ATP8A2: variants seen among roughly 807,000 people sequenced by gnomAD.
The protein encoded by ATP8A2 is phospholipid-transporting ATPase IB.
Under a neutral mutation model 165.6 loss-of-function variants are expected in ATP8A2, and 100 were observed. The ratio of observed to expected loss-of-function variants is 0.60; its 90% CI spans 0.51 to 0.71. The LOEUF (loss-of-function observed/expected upper bound fraction) is 0.71, where lower values mean the gene tolerates loss of function less well. ATP8A2 is among the 30% of genes least tolerant of loss of function. ATP8A2 has a pLI of 0.00. For missense variants in ATP8A2, 1,227 were observed against 1,479.5 expected (o/e 0.83, Z 2.80); for synonymous variants, 543 against 548.8 (o/e 0.99, Z 0.15).
intron 1 of ATP8A2, among the ~76,000 whole-genome samples, chr13:25,464,008 A>T (rs1190617113): frequency 6.6e-6 from 1 of 152,146 alleles, no homozygotes; most frequent in Non-Finnish European, 1.5e-5. Context: ...CCCCGGGCAG[A>T]AACTCTGAAG....
At chr13:25,424,212 C>T (rs776945283) in intron 1 of ATP8A2, among the ~76,000 whole-genome samples, 1 of 152,164 alleles carries the variant, frequency 6.6e-6, no homozygotes, top group Non-Finnish European at 1.5e-5. Flanking sequence ...GCATAAAGTG[C>T]TTATTATTAT....
chr13:25,894,863 G>C (rs1033933236), intron 33 of ATP8A2, among the ~76,000 whole-genome samples: 2 of 152,122 alleles, frequency 1.3e-5, no homozygotes, highest in African/African-American at 4.8e-5. Context: ...AAGAATGCTT[G>C]TGATTTTTGC....
intron 24 of ATP8A2, among the ~76,000 whole-genome samples, chr13:25,610,883 C>CTTTTTTTT (rs56730760): frequency 8.3e-6 from 1 of 120,680 alleles, no homozygotes; most frequent in African/African-American, 3.2e-5. Context: ...AGGTATATTC[C>CTTTTTTTT]TTTTTTTTTT....
intron 26 of ATP8A2, among the ~76,000 whole-genome samples, chr13:25,773,801 A>G (rs985255307): frequency 1.3e-5 from 2 of 151,676 alleles, no homozygotes; most frequent in Non-Finnish European, 2.9e-5. Context: ...GTGTGCCACT[A>G]TCTCTGTGTC....
chr13:25,378,586 A>G (rs1441417943), intron 1 of ATP8A2, among the ~76,000 whole-genome samples: 2 of 152,122 alleles, frequency 1.3e-5, no homozygotes, highest in Admixed American at 6.5e-5. Flanking sequence ...CTCACTTCAG[A>G]GTTGGTTAGT....
At chr13:25,428,504 T>C (rs2034514401) in intron 1 of ATP8A2, among the ~76,000 whole-genome samples, 1 of 152,124 alleles carries the variant, frequency 6.6e-6, no homozygotes, top group South Asian at 2.1e-4. Context: ...CTTAAACCCC[T>C]GGGTGTGATA....
intron 16 of ATP8A2, chr13:25,567,301 C>T: frequency 4.4e-6 from 2 of 456,704 alleles, no homozygotes; most frequent in Non-Finnish European, 8.8e-6. Context: ...GCTAATACCT[C>T]TCCCATTGCC....
In ATP8A2 at chr13:25,851,330, C is replaced by T. The variant is rs1437744034; in HGVS notation, c.2957-8865C>T. On this transcript the variant is annotated intron_variant, in intron 30 of 36. Coordinates refer to ENST00000381655, the MANE Select transcript of ATP8A2 (RefSeq NM_016529.6). ...GATGCCGTGGCTCACGCCTGTAATC[C>T]CAGCACTTTGGGAGGCCAAGGCGGG... 3.9e-5 allele frequency among the ~76,000 whole-genome samples: 6 copies of T among 152,162 alleles called. 1 individual carries two copies. Among genetic ancestry groups the T allele is most frequent in the African/African-American group, 1.4e-4 (6 of 41,446 alleles).
chr13:25,661,814 A>G (rs1194355257), intron 24 of ATP8A2, among the ~76,000 whole-genome samples: 1 of 152,220 alleles, frequency 6.6e-6, no homozygotes, highest in Non-Finnish European at 1.5e-5. Context: ...AGATTTTTCA[A>G]AAATAAGCAT....
At chr13:25,397,230 A>G (rs545658409) in intron 1 of ATP8A2, among the ~76,000 whole-genome samples, 1 of 152,338 alleles carries the variant, frequency 6.6e-6, no homozygotes, top group African/African-American at 2.4e-5. Flanking sequence ...CTCCAAGGCC[A>G]TGCAGACAGT....
At chr13:25,438,141 G>A (rs1283620288) in intron 1 of ATP8A2, among the ~76,000 whole-genome samples, 1 of 152,160 alleles carries the variant, frequency 6.6e-6, no homozygotes, top group African/African-American at 2.4e-5. Flanking sequence ...GTTCAACCAT[G>A]AGGGCAGATG....
chr13:25,519,141 G>T (rs898990036), intron 2 of ATP8A2, among the ~76,000 whole-genome samples: 1 of 152,074 alleles, frequency 6.6e-6, no homozygotes, highest in Non-Finnish European at 1.5e-5. Flanking sequence ...TTCTGCACTC[G>T]CTGTCCCCTC....
rs1261804135 is a variant in ATP8A2 at position 25,555,041 on chromosome 13, A to G, written c.1236A>G (p.Thr412=). 1.2e-6 allele frequency: 2 copies of G among 1,613,088 alleles called. No individual in the cohort carries two copies. Among genetic ancestry groups the G allele is most frequent in the Non-Finnish European group, 1.7e-6 (2 of 1,179,270 alleles). ...IGNDTPAMAR[T]SNLNEELGQV... ...ATGACACTCCTGCCATGGCCAGGAC[A>G]TCAAACCTTAATGAAGAGCTTGGGC... The change falls in exon 13 of 37, where the codon ACA becomes ACG. Residue 412 remains threonine, a synonymous_variant. Coordinates refer to ENST00000381655, the MANE Select transcript of ATP8A2 (RefSeq NM_016529.6).
chr13:25,448,433 A>C (rs1390974556), intron 1 of ATP8A2, among the ~76,000 whole-genome samples: 2 of 152,230 alleles, frequency 1.3e-5, no homozygotes, highest in African/African-American at 4.8e-5. Flanking sequence ...ACACTTAAGG[A>C]AAATAAATCA....
intron 33 of ATP8A2, among the ~76,000 whole-genome samples, chr13:25,948,761 C>A (rs1187546572): frequency 6.6e-6 from 1 of 152,180 alleles, no homozygotes; most frequent in Non-Finnish European, 1.5e-5. Context: ...GAGGTCTCTG[C>A]AAGCCAGGAA....
intron 33 of ATP8A2, among the ~76,000 whole-genome samples, chr13:25,938,337 C>T (rs1954975771): frequency 6.6e-6 from 1 of 152,014 alleles, no homozygotes; most frequent in African/African-American, 2.4e-5. Flanking sequence ...CGGGAGAATA[C>T]GACAGGGAAT....
intron 33 of ATP8A2, among the ~76,000 whole-genome samples, chr13:25,919,723 G>A (rs1175623558): frequency 6.6e-6 from 1 of 152,028 alleles, no homozygotes; most frequent in African/African-American, 2.4e-5. Flanking sequence ...CAATTCCAAA[G>A]ATTTTCTGTA....
intron 26 of ATP8A2, among the ~76,000 whole-genome samples, chr13:25,773,773 T>G (rs2044678597): frequency 1.3e-5 from 2 of 152,310 alleles, no homozygotes; most frequent in South Asian, 4.1e-4. Flanking sequence ...TATGTGTGTC[T>G]CTGTGTATCT....
intron 35 of ATP8A2, among the ~76,000 whole-genome samples, chr13:25,973,233 C>T (rs531079292): frequency 3.3e-5 from 5 of 152,294 alleles, no homozygotes; most frequent in African/African-American, 7.2e-5. Context: ...GGTCTTAAAC[C>T]TTCTGGCGAG....
Sources: gnomAD v4.1 joint callset for allele counts (sites outside exome capture counted in the v4.1 genomes callset) on GRCh38, gnomAD v4.1.1 for gene constraint, MANE v1.5 for transcripts, NCBI Gene and HGNC (gene_info 2026-07-23, HGNC 2026-07-21) for gene names.